AQP7B: variants seen among roughly 807,000 people sequenced by gnomAD.
The protein encoded by AQP7B is putative aquaporin-7B.
the AQP7B span, chr2:94,594,721 C>A: frequency 2.5e-3 from 3,548 of 1,433,372 alleles, 69 homozygotes; most frequent in African/African-American, 0.041. Context: ...CTTTCTGTCC[C>A]TGGGCTCGGG....
chr2:94,603,261 A>T, the AQP7B span: 1 of 1,388,574 alleles, frequency 7.2e-7, no homozygotes, highest in Non-Finnish European at 9.9e-7. Context: ...CCTGATTTGT[A>T]AAAAATAGCT....
chr2:94,590,671 G>A, the AQP7B span, among the ~76,000 whole-genome samples: 1 of 152,126 alleles, frequency 6.6e-6, no homozygotes, highest in South Asian at 2.1e-4. Flanking sequence ...CACCGGGCAT[G>A]GTGGCTCACG....
the AQP7B span, chr2:94,602,601 C>T: frequency 6.3e-7 from 1 of 1,595,062 alleles, no homozygotes; most frequent in South Asian, 1.1e-5. Context: ...GTCCACGTGG[C>T]AGGCCGCATC....
the AQP7B span, chr2:94,588,383 G>A: frequency 4.8e-6 from 3 of 620,624 alleles, no homozygotes; most frequent in Non-Finnish European, 8.6e-6. Context: ...GGCTAAGGGA[G>A]TGGCACTAGC....
chr2:94,603,404 G>T, the AQP7B span: 4 of 1,608,126 alleles, frequency 2.5e-6, no homozygotes, highest in South Asian at 1.1e-5. Context: ...CACTTTTCGG[G>T]TGGAGAGCTG....
At chr2:94,596,083 G>A in the AQP7B span, among the ~76,000 whole-genome samples, 2 of 152,238 alleles carry the variant, frequency 1.3e-5, no homozygotes, top group Non-Finnish European at 2.9e-5. Flanking sequence ...ATGACAGAGG[G>A]GGGCAGTGGT....
At chr2:94,601,234 G>A in the AQP7B span, among the ~76,000 whole-genome samples, 1 of 152,326 alleles carries the variant, frequency 6.6e-6, no homozygotes, top group South Asian at 2.1e-4. Context: ...TTACCCATCT[G>A]TCAAGTAGGG....
At chr2:94,597,159 A>C in the AQP7B span, among the ~76,000 whole-genome samples, 1 of 150,992 alleles carries the variant, frequency 6.6e-6, no homozygotes, top group Admixed American at 6.6e-5. Context: ...CTCCTCTCTT[A>C]CCTCCCCACC....
At chr2:94,595,333 G>T in the AQP7B span, among the ~76,000 whole-genome samples, 2 of 152,154 alleles carry the variant, frequency 1.3e-5, no homozygotes, top group Non-Finnish European at 2.9e-5. Context: ...TATTCAGGAG[G>T]CTGAGGCAGG....
At chr2:94,600,724 A>G in the AQP7B span, among the ~76,000 whole-genome samples, 1 of 152,008 alleles carries the variant, frequency 6.6e-6, no homozygotes, top group East Asian at 1.9e-4. Context: ...CTAAAAATAC[A>G]AAAAAATAGT....
the AQP7B span, among the ~76,000 whole-genome samples, chr2:94,587,407 AGAGT>A: frequency 6.6e-6 from 1 of 152,266 alleles, no homozygotes; most frequent in Admixed American, 6.5e-5. Context: ...ACATTTCAGG[AGAGT>A]GAGTGGGGCT....
chr2:94,590,501 T>C, the AQP7B span, among the ~76,000 whole-genome samples: 1 of 152,122 alleles, frequency 6.6e-6, no homozygotes, highest in African/African-American at 2.4e-5. Context: ...AAATGTTTGT[T>C]GAATGAAGAA....
At chr2:94,595,763 T>G in the AQP7B span, among the ~76,000 whole-genome samples, 1 of 152,116 alleles carries the variant, frequency 6.6e-6, no homozygotes. Context: ...GCAGAAGATG[T>G]GGGCAAAGCG....
chr2:94,591,847 C>T, the AQP7B span, among the ~76,000 whole-genome samples: 1 of 152,182 alleles, frequency 6.6e-6, no homozygotes, highest in Non-Finnish European at 1.5e-5. Context: ...CTACCCCCTC[C>T]TCTAGGCCAT....
the AQP7B span, among the ~76,000 whole-genome samples, chr2:94,589,687 G>A: frequency 2.6e-5 from 4 of 152,060 alleles, no homozygotes; most frequent in East Asian, 1.9e-4. Flanking sequence ...TCTAGCCTAC[G>A]TCTCTTTCCA....
the AQP7B span, among the ~76,000 whole-genome samples, chr2:94,587,846 C>G: frequency 6.6e-6 from 1 of 152,106 alleles, no homozygotes; most frequent in East Asian, 1.9e-4. Context: ...GGGGCTGGAG[C>G]TGGGGCTGGA....
the AQP7B span, chr2:94,604,604 C>T: frequency 2.0e-6 from 3 of 1,528,770 alleles, no homozygotes; most frequent in South Asian, 3.8e-5. Context: ...CATCCCTTCC[C>T]CAATAAAGCA....
chr2:94,604,518 C>A, the AQP7B span: 1 of 1,610,234 alleles, frequency 6.2e-7, no homozygotes, highest in Non-Finnish European at 8.5e-7. Context: ...GCCAACAGAT[C>A]TTCAGTCCAC....
chr2:94,603,977 C>T, the AQP7B span: 49 of 1,078,928 alleles, frequency 4.5e-5, no homozygotes, highest in African/African-American at 6.2e-4. Context: ...CTGTGGAGCT[C>T]CTGTGTGTTG....
Sources: gnomAD v4.1 joint callset for allele counts (sites outside exome capture counted in the v4.1 genomes callset) on GRCh38, gnomAD v4.1.1 for gene constraint, MANE v1.5 for transcripts, NCBI Gene and HGNC (gene_info 2026-07-23, HGNC 2026-07-21) for gene names.